NELL1: variants seen among roughly 807,000 people sequenced by gnomAD.
NELL1 encodes protein kinase C-binding protein NELL1.
NELL1 carries 76 observed loss-of-function variants against 107.4 expected under a neutral mutation model. The ratio of observed to expected loss-of-function variants is 0.71; its 90% CI spans 0.59 to 0.86. The LOEUF is 0.86. Among genes scored for constraint, NELL1 ranks in the 40% least tolerant of loss-of-function variants. The pLI is 0.00. For missense variants in NELL1, 1,024 were observed against 1,005.5 expected (o/e 1.02, Z -0.25); for synonymous variants, 353 against 341.2 (o/e 1.03, Z -0.38).
At chr11:20,786,892 C>T (rs1021443092) in intron 3 of NELL1, among the ~76,000 whole-genome samples, 2 of 150,084 alleles carry the variant, frequency 1.3e-5, no homozygotes, top group African/African-American at 4.9e-5. Context: ...CCTGTAGTCC[C>T]AGCTACTTGG....
chr11:21,480,489 G>C (rs909800924), intron 15 of NELL1, among the ~76,000 whole-genome samples: 8 of 152,170 alleles, frequency 5.3e-5, no homozygotes, highest in African/African-American at 1.9e-4. Flanking sequence ...CTATTAGGCT[G>C]TTCATTCAGC....
At chr11:20,805,570 G>A (rs1857365297) in intron 3 of NELL1, among the ~76,000 whole-genome samples, 1 of 151,860 alleles carries the variant, frequency 6.6e-6, no homozygotes, top group Non-Finnish European at 1.5e-5. Context: ...CCCAGGCTGG[G>A]GTGCAGTGGT....
intron 5 of NELL1, among the ~76,000 whole-genome samples, chr11:20,888,299 A>G (rs1309591040): frequency 2.0e-5 from 3 of 152,022 alleles, no homozygotes; most frequent in Non-Finnish European, 4.4e-5. Flanking sequence ...ATATAAAAAA[A>G]GTTTACGTAT....
chr11:21,156,288 C>A (rs1022976018), intron 13 of NELL1, among the ~76,000 whole-genome samples: 12 of 152,102 alleles, frequency 7.9e-5, no homozygotes, highest in Non-Finnish European at 1.8e-4. Flanking sequence ...ACGTTTTAAG[C>A]AAAACCAGTC....
intron 15 of NELL1, among the ~76,000 whole-genome samples, chr11:21,409,289 G>A (rs1279106794): frequency 6.6e-6 from 1 of 152,074 alleles, no homozygotes; most frequent in Non-Finnish European, 1.5e-5. Flanking sequence ...TAGGGACATG[G>A]ATGAAATTGG....
intron 12 of NELL1, among the ~76,000 whole-genome samples, chr11:20,975,919 A>ATATATG (rs1441294586): frequency 1.1e-5 from 1 of 91,112 alleles, no homozygotes; most frequent in African/African-American, 4.7e-5. Flanking sequence ...TTATATAAAC[A>ATATATG]CACATATATG....
At chr11:21,210,811 T>C (rs1374787612) in intron 13 of NELL1, among the ~76,000 whole-genome samples, 3 of 152,180 alleles carry the variant, frequency 2.0e-5, no homozygotes, top group African/African-American at 7.2e-5. Flanking sequence ...TTGTATTTCA[T>C]TTTTAAGCTC....
chr11:21,276,055 A>G (rs561740275), intron 14 of NELL1, among the ~76,000 whole-genome samples: 1 of 152,308 alleles, frequency 6.6e-6, no homozygotes, highest in South Asian at 2.1e-4. Context: ...GGCCAGGGCA[A>G]TCAGGCAGGA....
At chr11:20,942,551 T>C (rs1235450942) in intron 10 of NELL1, among the ~76,000 whole-genome samples, 1 of 152,122 alleles carries the variant, frequency 6.6e-6, no homozygotes, top group East Asian at 1.9e-4. Context: ...GGATGTTGTG[T>C]AGATTAAATG....
chr11:21,063,199 A>G (rs775757702), intron 12 of NELL1, among the ~76,000 whole-genome samples: 8 of 152,004 alleles, frequency 5.3e-5, no homozygotes, highest in Admixed American at 5.2e-4. Flanking sequence ...AAATGATGAG[A>G]CACAGAAGGT....
intron 13 of NELL1, among the ~76,000 whole-genome samples, chr11:21,139,381 C>T (rs1482525001): frequency 6.6e-6 from 1 of 152,218 alleles, no homozygotes; most frequent in Non-Finnish European, 1.5e-5. Context: ...TCCCTTACTT[C>T]CTTCAGGCCT....
intron 13 of NELL1, among the ~76,000 whole-genome samples, chr11:21,199,476 G>T (rs1188354815): frequency 1.3e-5 from 2 of 152,126 alleles, no homozygotes; most frequent in African/African-American, 4.8e-5. Context: ...TGCAATCTCA[G>T]TAAGTACATA....
intron 13 of NELL1, among the ~76,000 whole-genome samples, chr11:21,139,923 A>G (rs955303595): frequency 2.6e-5 from 4 of 152,040 alleles, no homozygotes; most frequent in Admixed American, 6.6e-5. Context: ...TTTTTTTCCT[A>G]TGATTCAGCT....
chr11:21,547,251 C>T (rs1417515392), intron 16 of NELL1, among the ~76,000 whole-genome samples: 1 of 151,886 alleles, frequency 6.6e-6, no homozygotes, highest in Admixed American at 6.6e-5. Context: ...AGGCGAACTA[C>T]TCATTAAAGG....
intron 12 of NELL1, among the ~76,000 whole-genome samples, chr11:20,970,080 C>CATCCATCCATCCATCCATCCATCT (rs1554952009): frequency 0.017 from 2,562 of 151,396 alleles, 44 homozygotes; most frequent in African/African-American, 0.035. Context: ...TCCATCCATC[C>CATCCATCCATCCATCCATCCATCT]ATCCATCCAT....
chr11:21,241,664 T>C (rs1433077947), intron 14 of NELL1, among the ~76,000 whole-genome samples: 1 of 152,138 alleles, frequency 6.6e-6, no homozygotes. Flanking sequence ...ATTGGTGGAA[T>C]GTTTAACTAG....
At chr11:20,895,739 C>T (rs1257794879) in intron 5 of NELL1, among the ~76,000 whole-genome samples, 2 of 151,888 alleles carry the variant, frequency 1.3e-5, no homozygotes, top group Admixed American at 1.3e-4. Context: ...AACTCCTGAC[C>T]TCGTGATCCA....
At chr11:20,743,352 T>TA (rs984851074) in intron 2 of NELL1, among the ~76,000 whole-genome samples, 51 of 146,912 alleles carry the variant, frequency 3.5e-4, no homozygotes, top group Middle Eastern at 3.6e-3. Context: ...GACTCTGTCT[T>TA]AAAAAAAAAA....
chr11:21,453,808 CT>C (rs58447670), intron 15 of NELL1, among the ~76,000 whole-genome samples: 18,558 of 139,368 alleles, frequency 0.13, 2,860 homozygotes, highest in African/African-American at 0.38. Context: ...TTTTCTTTCC[CT>C]TTTTTTTTTT....
Sources: gnomAD v4.1 joint callset for allele counts (sites outside exome capture counted in the v4.1 genomes callset) on GRCh38, gnomAD v4.1.1 for gene constraint, MANE v1.5 for transcripts, NCBI Gene and HGNC (gene_info 2026-07-23, HGNC 2026-07-21) for gene names.